IGF2BP3: variants seen among roughly 807,000 people sequenced by gnomAD.
IGF2BP3 encodes insulin-like growth factor 2 mRNA-binding protein 3.
In IGF2BP3, 9 loss-of-function variants were observed where a neutral mutation model predicts 73.8. The ratio of observed to expected loss-of-function variants is 0.12; its 90% CI spans 0.07 to 0.21. The LOEUF is 0.21. Among genes scored for constraint, IGF2BP3 ranks in the 10% least tolerant of loss-of-function variants. The pLI, the probability that IGF2BP3 is intolerant of heterozygous loss-of-function variation, is 1.00. For synonymous variants in IGF2BP3, 258 were observed against 256.7 expected, an observed-to-expected ratio of 1.01 and a Z score of -0.05; for missense variants, 542 against 714.0, an observed-to-expected ratio of 0.76 and a Z score of 2.75.
intron 3 of IGF2BP3, among the ~76,000 whole-genome samples, chr7:23,410,662 A>G (rs532809266): frequency 1.4e-4 from 22 of 152,314 alleles, no homozygotes; most frequent in African/African-American, 5.1e-4. Context: ...AACTTTACTA[A>G]TAACTTCCCC....
chr7:23,452,475 T>C (rs1336924056), intron 2 of IGF2BP3, among the ~76,000 whole-genome samples: 3 of 152,116 alleles, frequency 2.0e-5, no homozygotes, highest in Non-Finnish European at 4.4e-5. Context: ...AAGTTACAAA[T>C]AGTTGAACAT....
At position 23,381,921 on chromosome 7, in the gene IGF2BP3, A is replaced by C. The variant is rs571677825; in HGVS notation, c.286-20180T>G. On this transcript the variant is annotated intron_variant, in intron 3 of 14. Coordinates refer to ENST00000258729, the MANE Select transcript of IGF2BP3 (RefSeq NM_006547.3). ...AAGTCCAAAGTTTAAAATTAACAGT[A>C]ATCACTGGGCAAAGATGTAACATTT... Among the ~76,000 whole-genome samples, 3 of 152,280 alleles carry C rather than the reference A, an allele frequency of 2.0e-5. No individual in the cohort carries two copies. The East Asian group carries it at 5.8e-4, about 29-fold the overall frequency.
intron 5 of IGF2BP3, among the ~76,000 whole-genome samples, chr7:23,359,806 G>C (rs573318565): frequency 1.3e-5 from 2 of 151,740 alleles, no homozygotes; most frequent in East Asian, 1.9e-4. Flanking sequence ...TTCTACTGAG[G>C]GTATAAAAGG....
chr7:23,366,284 C>T (rs556616046), intron 3 of IGF2BP3, among the ~76,000 whole-genome samples: 1 of 151,928 alleles, frequency 6.6e-6, no homozygotes, highest in Non-Finnish European at 1.5e-5. Flanking sequence ...ATTACAGGCA[C>T]ACACCACTAC....
chr7:23,408,841 T>C (rs1256168277), intron 3 of IGF2BP3, among the ~76,000 whole-genome samples: 1 of 152,122 alleles, frequency 6.6e-6, no homozygotes, highest in East Asian at 1.9e-4. Context: ...AAAGGTAGAA[T>C]ACACAGACAG....
intron 3 of IGF2BP3, chr7:23,365,897 A>G (rs1435250558): frequency 6.6e-6 from 1 of 152,364 alleles, no homozygotes; most frequent in Non-Finnish European, 1.5e-5. Context: ...GATTCACCAA[A>G]CGAGCTCCAT....
rs150982019 is a variant in IGF2BP3, at chr7:23,328,069, T to C, written c.1204-8815A>G. Among the ~76,000 whole-genome samples the C allele has an allele frequency of 7.4e-3, 1,125 of 152,294 alleles. 10 individuals carry two copies. The highest frequency in any genetic ancestry group is 0.026 in the African/African-American group (1,073 of 41,558). ...CTCTTTGTCTCTCTAGACGCCCACCTATGACACAGGTGAAAAATCAATCCC... is the reference window on the plus strand; with the variant it reads ...CTCTTTGTCTCTCTAGACGCCCACCCATGACACAGGTGAAAAATCAATCCC... On this transcript the variant is annotated intron_variant, in intron 10 of 14. Transcript: ENST00000258729.
chr7:23,335,215 G>A (rs1225816004), intron 10 of IGF2BP3, among the ~76,000 whole-genome samples: 2 of 151,436 alleles, frequency 1.3e-5, no homozygotes, highest in Non-Finnish European at 2.9e-5. Context: ...CCCACTGTGA[G>A]AAATCTTAAG....
At chr7:23,340,843 C>A (rs114236186) in intron 10 of IGF2BP3, among the ~76,000 whole-genome samples, 7,295 of 149,454 alleles carry the variant, frequency 0.049, 306 homozygotes, top group African/African-American at 0.1. Flanking sequence ...CTTTCTTTTT[C>A]TTTTTCTTTT....
intron 3 of IGF2BP3, chr7:23,402,550 G>T (rs1042139189): frequency 3.3e-5 from 5 of 152,148 alleles, no homozygotes; most frequent in African/African-American, 1.2e-4. Flanking sequence ...CCTTCCACGG[G>T]AAAGTATTTT....
chr7:23,465,083 A>G (rs1423808575), intron 2 of IGF2BP3, among the ~76,000 whole-genome samples: 1 of 152,198 alleles, frequency 6.6e-6, no homozygotes, highest in Non-Finnish European at 1.5e-5. Context: ...CCAACAGCCC[A>G]CAACATAACA....
rs556306957 is a variant in IGF2BP3 at position 23,375,812 on chromosome 7, A to G, written c.286-14071T>C. On this transcript the variant is annotated intron_variant, in intron 3 of 14. Transcript: ENST00000258729. ...AGAATAAAAGCAACTGGAGGAGGAGAAGAGGTAGATTCCAAAGTCAATAAT... is the reference window on the plus strand; with the variant it reads ...AGAATAAAAGCAACTGGAGGAGGAGGAGAGGTAGATTCCAAAGTCAATAAT... Among the ~76,000 whole-genome samples, 21 of 152,312 alleles carry G rather than the reference A, an allele frequency of 1.4e-4. No homozygotes were observed. The East Asian group carries it at 4.1e-3, about 29-fold the overall frequency.
At chr7:23,396,083 GA>G (rs149230986) in intron 3 of IGF2BP3, among the ~76,000 whole-genome samples, 4,315 of 144,358 alleles carry the variant, frequency 0.03, 251 homozygotes, top group African/African-American at 0.11. Flanking sequence ...TTACAGAGTT[GA>G]AAAAATTCCC....
chr7:23,352,278 A>ATTTT (rs70966011), intron 5 of IGF2BP3, among the ~76,000 whole-genome samples: 4 of 73,774 alleles, frequency 5.4e-5, no homozygotes, highest in Admixed American at 1.8e-4. Context: ...TCTCTTTTTC[A>ATTTT]TTTTTTTTTT....
chr7:23,403,344 C>G (rs956269639), intron 3 of IGF2BP3, among the ~76,000 whole-genome samples: 6 of 152,196 alleles, frequency 3.9e-5, no homozygotes, highest in Non-Finnish European at 8.8e-5. Flanking sequence ...AAACTCTGAT[C>G]ATGCCTAAGT....
intron 5 of IGF2BP3, among the ~76,000 whole-genome samples, chr7:23,353,141 G>A (rs1490097707): frequency 6.6e-6 from 1 of 152,140 alleles, no homozygotes; most frequent in East Asian, 1.9e-4. Context: ...CTCAGATTCT[G>A]TTCCAATGGC....
chr7:23,345,889 C>T, intron 8 of IGF2BP3, 51 bp downstream of exon 8: 3 of 1,588,254 alleles, frequency 1.9e-6, no homozygotes, highest in East Asian at 2.2e-5. Context: ...ACACAACATG[C>T]AGCTTACAGT....
chr7:23,437,649 G>C (rs959470922), intron 2 of IGF2BP3, among the ~76,000 whole-genome samples: 1 of 152,070 alleles, frequency 6.6e-6, no homozygotes, highest in Non-Finnish European at 1.5e-5. Flanking sequence ...ACATCTTCTA[G>C]CCAGCAAAAC....
chr7:23,316,860 T>C (rs1013458369), intron 12 of IGF2BP3, among the ~76,000 whole-genome samples: 2 of 152,166 alleles, frequency 1.3e-5, no homozygotes, highest in African/African-American at 4.8e-5. Context: ...CCATAGTCTG[T>C]TGAATACCCC....
Sources: gnomAD v4.1 joint callset for allele counts (sites outside exome capture counted in the v4.1 genomes callset) on GRCh38, gnomAD v4.1.1 for gene constraint, MANE v1.5 for transcripts, NCBI Gene and HGNC (gene_info 2026-07-23, HGNC 2026-07-21) for gene names.